Variants in ROBO1 observed in about 807,000 individuals in gnomAD.
The protein encoded by ROBO1 is roundabout homolog 1.
A neutral mutation model predicts 195.9 loss-of-function variants in ROBO1; 149 were observed. The observed-to-expected ratio is 0.76, with a 90% confidence interval of 0.67 to 0.87. The LOEUF is 0.87. Among genes scored for constraint, ROBO1 ranks in the 40% least tolerant of loss-of-function variants. The pLI is 0.00. For missense variants in ROBO1, 1,933 were observed against 2,068.3 expected (o/e 0.93, Z 1.27); for synonymous variants, 816 against 733.2 (o/e 1.11, Z -1.82).
chr3:78,918,166 T>C (rs2038736389), intron 4 of ROBO1, among the ~76,000 whole-genome samples: 1 of 152,198 alleles, frequency 6.6e-6, no homozygotes, highest in African/African-American at 2.4e-5. Flanking sequence ...AGAACACATA[T>C]ATATGGTAAA....
chr3:79,559,875 C>A (rs1942844709), intron 2 of ROBO1, among the ~76,000 whole-genome samples: 2 of 152,080 alleles, frequency 1.3e-5, no homozygotes, highest in Non-Finnish European at 1.5e-5. Flanking sequence ...TGAGATCGTA[C>A]CATTGCACTC....
intron 2 of ROBO1, among the ~76,000 whole-genome samples, chr3:79,327,719 T>C (rs1000023649): frequency 1.3e-5 from 2 of 150,804 alleles, no homozygotes; most frequent in African/African-American, 4.8e-5. Flanking sequence ...AAAATGGTAA[T>C]GAAGGAAGTA....
chr3:79,640,790 C>T (rs1945636191), intron 1 of ROBO1, among the ~76,000 whole-genome samples: 1 of 152,060 alleles, frequency 6.6e-6, no homozygotes, highest in Admixed American at 6.6e-5. Context: ...CAAACTTGAC[C>T]ATGAAGACTC....
intron 2 of ROBO1, among the ~76,000 whole-genome samples, chr3:79,262,031 A>C (rs1241930464): frequency 6.6e-6 from 1 of 152,138 alleles, no homozygotes; most frequent in Non-Finnish European, 1.5e-5. Flanking sequence ...CTAATTATTT[A>C]GGCTTGTACA....
chr3:79,186,627 T>C (rs1157295743), intron 2 of ROBO1, among the ~76,000 whole-genome samples: 1 of 152,072 alleles, frequency 6.6e-6, no homozygotes, highest in Non-Finnish European at 1.5e-5. Flanking sequence ...TTAGACTCTT[T>C]CACCCTTCTT....
chr3:78,860,085 A>G (rs1228373090), intron 4 of ROBO1, among the ~76,000 whole-genome samples: 1 of 151,554 alleles, frequency 6.6e-6, no homozygotes, highest in Non-Finnish European at 1.5e-5. Context: ...TCTCAAAAAA[A>G]AAAAAAAGAC....
chr3:79,425,710 T>C (rs929054499), intron 2 of ROBO1, among the ~76,000 whole-genome samples: 9 of 146,618 alleles, frequency 6.1e-5, no homozygotes, highest in African/African-American at 1.0e-4. Flanking sequence ...CACACACACA[T>C]ACACACACAC....
intron 2 of ROBO1, among the ~76,000 whole-genome samples, chr3:79,421,307 T>A (rs1163482417): frequency 6.6e-6 from 1 of 151,662 alleles, no homozygotes; most frequent in African/African-American, 2.4e-5. Flanking sequence ...ATAATCTGTA[T>A]AATAAACCCC....
intron 2 of ROBO1, among the ~76,000 whole-genome samples, chr3:79,334,668 G>A (rs1035113234): frequency 4.0e-5 from 6 of 151,772 alleles, no homozygotes; most frequent in African/African-American, 1.5e-4. Context: ...TAACAGGTTG[G>A]TGTTTTGTGG....
chr3:79,694,917 C>G (rs904855139), intron 1 of ROBO1, among the ~76,000 whole-genome samples: 3 of 151,448 alleles, frequency 2.0e-5, no homozygotes, highest in Non-Finnish European at 4.4e-5. Context: ...AAACTTTGGC[C>G]ATGTAATTTT....
chr3:78,956,885 A>G (rs2041076152), intron 3 of ROBO1, among the ~76,000 whole-genome samples: 1 of 152,188 alleles, frequency 6.6e-6, no homozygotes, highest in African/African-American at 2.4e-5. Flanking sequence ...CTGAAACGTG[A>G]ACACAGTATC....
At chr3:79,715,669 T>C (rs943965014) in intron 1 of ROBO1, among the ~76,000 whole-genome samples, 1 of 152,118 alleles carries the variant, frequency 6.6e-6, no homozygotes, top group Admixed American at 6.6e-5. Context: ...CTCCAATGTA[T>C]GTCTGTTTGC....
intron 2 of ROBO1, among the ~76,000 whole-genome samples, chr3:79,190,377 A>G (rs987367137): frequency 6.6e-6 from 1 of 151,628 alleles, no homozygotes; most frequent in Non-Finnish European, 1.5e-5. Context: ...TTAATTTTAT[A>G]TAACTTTGAT....
chr3:79,713,736 G>T (rs566475074), intron 1 of ROBO1, among the ~76,000 whole-genome samples: 1 of 151,788 alleles, frequency 6.6e-6, no homozygotes, highest in East Asian at 1.9e-4. Context: ...GGTCTAACAT[G>T]TAAGTCTTTA....
chr3:78,999,265 A>T (rs558525521), intron 3 of ROBO1, among the ~76,000 whole-genome samples: 2 of 152,254 alleles, frequency 1.3e-5, no homozygotes, highest in African/African-American at 4.8e-5. Flanking sequence ...TTGCATGTTC[A>T]TCACACTACT....
At chr3:79,592,676 C>T (rs1944040833) in intron 1 of ROBO1, among the ~76,000 whole-genome samples, 1 of 152,140 alleles carries the variant, frequency 6.6e-6, no homozygotes, top group African/African-American at 2.4e-5. Flanking sequence ...TGCAGAGCCT[C>T]TCCCATTGGC....
chr3:79,372,883 CTAGTA>C (rs1296986634), intron 2 of ROBO1, among the ~76,000 whole-genome samples: 1 of 150,756 alleles, frequency 6.6e-6, no homozygotes, highest in African/African-American at 2.5e-5. Flanking sequence ...GTTGTAAAAA[CTAGTA>C]TTTTTTTTTT....
chr3:79,412,283 G>A (rs1038402752), intron 2 of ROBO1, among the ~76,000 whole-genome samples: 3 of 152,154 alleles, frequency 2.0e-5, no homozygotes, highest in African/African-American at 7.2e-5. Flanking sequence ...GGAGAGATAA[G>A]CTGACAGTTT....
chr3:79,463,229 G>C (rs1299303567), intron 2 of ROBO1, among the ~76,000 whole-genome samples: 6 of 152,058 alleles, frequency 3.9e-5, no homozygotes, highest in Non-Finnish European at 8.8e-5. Flanking sequence ...AAAAAAGTTA[G>C]CTGGGCGTGG....
Sources: allele counts gnomAD v4.1 joint callset (sites outside exome capture counted in the v4.1 genomes callset), GRCh38; gene constraint gnomAD v4.1.1; transcripts MANE v1.5; gene names NCBI Gene and HGNC (gene_info 2026-07-23, HGNC 2026-07-21).